ADK: variants seen among roughly 807,000 people sequenced by gnomAD.
ADK encodes adenosine kinase.
A neutral mutation model predicts 44.7 loss-of-function variants in ADK; 24 were observed. The observed-to-expected ratio is 0.54, with a 90% CI of 0.39 to 0.76. The LOEUF is 0.76. Ranked by LOEUF, ADK falls within the 30% of genes least tolerant of loss-of-function variation. The pLI, the probability that ADK is intolerant of heterozygous loss-of-function variation, is 0.00. For synonymous variants in ADK, 128 were observed against 142.6 expected (o/e 0.90, Z 0.73); for missense variants, 321 against 425.1 (o/e 0.76, Z 2.15).
At chr10:74,425,619 T>C (rs1001057766) in intron 6 of ADK, among the ~76,000 whole-genome samples, 1 of 152,166 alleles carries the variant, frequency 6.6e-6, no homozygotes, top group Non-Finnish European at 1.5e-5. Flanking sequence ...GGAAAAGATA[T>C]GTACAGTTAG....
At chr10:74,160,532 G>A (rs920641663) in intron 1 of ADK, among the ~76,000 whole-genome samples, 3 of 152,156 alleles carry the variant, frequency 2.0e-5, no homozygotes, top group East Asian at 1.9e-4. Flanking sequence ...GCCAAGCACC[G>A]TCCTGGGCTA....
At chr10:74,232,011 G>A (rs1028860497) in intron 3 of ADK, among the ~76,000 whole-genome samples, 4 of 149,878 alleles carry the variant, frequency 2.7e-5, no homozygotes, top group African/African-American at 9.8e-5. Flanking sequence ...GGTTACTTCC[G>A]TAAGGATCCA....
chr10:74,669,750 T>C (rs2134194572), intron 9 of ADK, among the ~76,000 whole-genome samples: 1 of 152,388 alleles, frequency 6.6e-6, no homozygotes, highest in Non-Finnish European at 1.5e-5. Context: ...TATTTATATT[T>C]TTTTAAATTT....
intron 6 of ADK, among the ~76,000 whole-genome samples, chr10:74,419,604 G>A (rs1844488622): frequency 6.6e-6 from 1 of 152,092 alleles, no homozygotes; most frequent in African/African-American, 2.4e-5. Context: ...GCTTCCTAGA[G>A]GCAGGAAGAC....
chr10:74,551,146 C>T (rs1056960796), intron 7 of ADK, among the ~76,000 whole-genome samples: 5 of 152,160 alleles, frequency 3.3e-5, no homozygotes, highest in Admixed American at 3.3e-4. Flanking sequence ...TACAGTCATA[C>T]AGTTACAGCA....
intron 2 of ADK, among the ~76,000 whole-genome samples, chr10:74,213,527 A>G (rs1399427704): frequency 6.6e-5 from 7 of 105,920 alleles, no homozygotes; most frequent in Admixed American, 9.6e-5. Flanking sequence ...AACTTTCTAA[A>G]AAAAAAGAAA....
At chr10:74,302,336 A>G (rs1209122329) in intron 3 of ADK, among the ~76,000 whole-genome samples, 1 of 150,794 alleles carries the variant, frequency 6.6e-6, no homozygotes, top group Non-Finnish European at 1.5e-5. Flanking sequence ...TCCCTGGGCT[A>G]GTTTCAAACT....
At chr10:74,553,195 T>TTTG (rs1850100171) in intron 7 of ADK, among the ~76,000 whole-genome samples, 4 of 103,064 alleles carry the variant, frequency 3.9e-5, no homozygotes, top group African/African-American at 5.5e-5. Context: ...ATTGTGTTTT[T>TTTG]TTTTTTTTTT....
intron 6 of ADK, among the ~76,000 whole-genome samples, chr10:74,515,840 G>T (rs1848547811): frequency 1.3e-5 from 2 of 152,138 alleles, no homozygotes; most frequent in African/African-American, 4.8e-5. Flanking sequence ...CATGGTTCTT[G>T]GTTTTCTTGC....
chr10:74,595,356 A>C (rs1360110750), intron 8 of ADK, among the ~76,000 whole-genome samples: 1 of 147,578 alleles, frequency 6.8e-6, no homozygotes, highest in Non-Finnish European at 1.5e-5. Context: ...AATGACTTTG[A>C]GAAATGAAAA....
At chr10:74,379,841 C>T (rs1051219539) in intron 4 of ADK, among the ~76,000 whole-genome samples, 8 of 152,112 alleles carry the variant, frequency 5.3e-5, no homozygotes, top group Admixed American at 2.0e-4. Context: ...GCCTGGGCAA[C>T]ATAGAGAGAC....
chr10:74,522,504 C>G (rs1344182543), intron 6 of ADK, among the ~76,000 whole-genome samples: 5 of 152,114 alleles, frequency 3.3e-5, no homozygotes, highest in Non-Finnish European at 7.4e-5. Context: ...CTCTTAACGT[C>G]TCAGAATATG....
chr10:74,365,090 C>T (rs1842458041), intron 4 of ADK, among the ~76,000 whole-genome samples: 1 of 152,164 alleles, frequency 6.6e-6, no homozygotes, highest in South Asian at 2.1e-4. Flanking sequence ...AGGTTAAAAA[C>T]AGCCTTATCA....
At chr10:74,333,851 G>C (rs1194181488) in intron 4 of ADK, among the ~76,000 whole-genome samples, 1 of 152,080 alleles carries the variant, frequency 6.6e-6, no homozygotes, top group Non-Finnish European at 1.5e-5. Context: ...GAAAGTAGAC[G>C]TATGCAGAAA....
rs550366176 is a variant in ADK, at chr10:74,645,423, A to T, written c.878-24760A>T. 4.6e-4 allele frequency among the ~76,000 whole-genome samples: 70 copies of T among 152,316 alleles called. No individual in the cohort carries two copies. In the South Asian group the frequency reaches 9.5e-3, roughly 21 times the overall value. On this transcript the variant is annotated intron_variant, in intron 9 of 10. Transcript: ENST00000539909. ...TTAGTAAAGTGCAATATTGAACAAC[A>T]TTGAAGATTTTATTTCTTAATCTAA...
intron 1 of ADK, among the ~76,000 whole-genome samples, chr10:74,155,105 A>G (rs1245379706): frequency 6.6e-6 from 1 of 152,200 alleles, no homozygotes; most frequent in Non-Finnish European, 1.5e-5. Flanking sequence ...TTTCTCAAAT[A>G]TTGCTTCCTA....
intron 7 of ADK, among the ~76,000 whole-genome samples, chr10:74,565,762 C>T (rs1015164638): frequency 6.6e-5 from 10 of 150,840 alleles, no homozygotes; most frequent in African/African-American, 2.4e-4. Context: ...ATGAACCTTC[C>T]TTTAGGAAAT....
chr10:74,364,342 T>G (rs1479655678), intron 4 of ADK, among the ~76,000 whole-genome samples: 1 of 152,226 alleles, frequency 6.6e-6, no homozygotes, highest in East Asian at 1.9e-4. Context: ...TCATTTCAGC[T>G]GAATTTCTTG....
chr10:74,195,266 A>C (rs1001417566), intron 1 of ADK, among the ~76,000 whole-genome samples: 2 of 152,200 alleles, frequency 1.3e-5, no homozygotes, highest in African/African-American at 4.8e-5. Flanking sequence ...ATGCTTATTC[A>C]TATAGTATGT....
Sources: allele counts gnomAD v4.1 joint callset (sites outside exome capture counted in the v4.1 genomes callset), GRCh38; gene constraint gnomAD v4.1.1; transcripts MANE v1.5; gene names NCBI Gene and HGNC (gene_info 2026-07-23, HGNC 2026-07-21).